CNTNAP2: variants seen among roughly 807,000 people sequenced by gnomAD.
CNTNAP2 encodes the protein contactin associated protein 2.
In CNTNAP2, 98 loss-of-function variants were observed where a neutral mutation model predicts 155.2. That is an observed-to-expected ratio of 0.63 (90% confidence interval 0.54 to 0.75). The LOEUF is 0.75. Ranked by LOEUF, CNTNAP2 falls within the 30% of genes least tolerant of loss-of-function variation. CNTNAP2 has a pLI of 0.00. For missense variants in CNTNAP2, 1,727 were observed against 1,688.1 expected, an observed-to-expected ratio of 1.02 and a Z score of -0.40; for synonymous variants, 651 against 631.2, an observed-to-expected ratio of 1.03 and a Z score of -0.47.
intron 13 of CNTNAP2, among the ~76,000 whole-genome samples, chr7:147,641,927 A>G (rs1397883927): frequency 6.6e-6 from 1 of 152,072 alleles, no homozygotes; most frequent in Non-Finnish European, 1.5e-5. Flanking sequence ...AGTGATGCTG[A>G]TATTCCTGCT....
intron 3 of CNTNAP2, among the ~76,000 whole-genome samples, chr7:147,029,499 A>C (rs1798986364): frequency 6.6e-6 from 1 of 152,114 alleles, no homozygotes; most frequent in Non-Finnish European, 1.5e-5. Flanking sequence ...TTGCAGTGAA[A>C]GGGAATAGAA....
At chr7:146,355,942 T>G (rs1452133881) in intron 1 of CNTNAP2, among the ~76,000 whole-genome samples, 1 of 152,062 alleles carries the variant, frequency 6.6e-6, no homozygotes, top group Admixed American at 6.6e-5. Context: ...ATGCATATTC[T>G]TACACATACA....
At position 147,603,890 on chromosome 7, in the gene CNTNAP2, C is replaced by G. The variant is rs961127621; in HGVS notation, c.1898-35216C>G. ...AAAACAGAGATATAGATCAATGGAA[C>G]AGAACAGAGCCCTCAGAAATAACGC... On this transcript the variant is annotated intron_variant, in intron 12 of 23. Transcript: ENST00000361727. Among the ~76,000 whole-genome samples the G allele has an allele frequency of 1.4e-4, 22 of 152,084 alleles. No individual in the cohort carries two copies. In the East Asian group the frequency reaches 2.7e-3, roughly 19 times the overall value.
intron 4 of CNTNAP2, among the ~76,000 whole-genome samples, chr7:147,091,870 T>C (rs1419396468): frequency 6.6e-6 from 1 of 152,142 alleles, no homozygotes; most frequent in African/African-American, 2.4e-5. Flanking sequence ...CCTCCCAAAG[T>C]GCTGGGATTA....
intron 1 of CNTNAP2, among the ~76,000 whole-genome samples, chr7:146,396,191 T>C (rs1795624717): frequency 6.6e-6 from 1 of 152,144 alleles, no homozygotes; most frequent in Admixed American, 6.6e-5. Flanking sequence ...AATTTCTAGG[T>C]TTTGTTAAGA....
rs750643318 is a variant in CNTNAP2, at chr7:147,044,008, A to G, written c.504A>G (p.Gly168=). ...GCATAGTGCCTCTGGATTGGAATGG[A>G]GAAGGTCGCATTGGACTCAGAATTG... ...YVRIVPLDWN[G]EGRIGLRIEV... Residue 168 remains glycine (G), a synonymous_variant, in exon 4 of 24, where the codon GGA becomes GGG. Coordinates refer to ENST00000361727, the MANE Select transcript of CNTNAP2 (RefSeq NM_014141.6). 1 of 1,614,172 alleles carries G rather than the reference A, an allele frequency of 6.2e-7. No homozygotes were observed. Among genetic ancestry groups the G allele is most frequent in the Non-Finnish European group, 8.5e-7 (1 of 1,180,016 alleles).
chr7:146,810,222 T>C (rs1001023796), intron 2 of CNTNAP2, among the ~76,000 whole-genome samples: 8 of 152,110 alleles, frequency 5.3e-5, no homozygotes, highest in African/African-American at 1.9e-4. Context: ...GTCTATTCTA[T>C]GCCAGTACCA....
At chr7:147,128,068 A>T (rs889410107) in intron 6 of CNTNAP2, among the ~76,000 whole-genome samples, 5 of 152,004 alleles carry the variant, frequency 3.3e-5, no homozygotes, top group Admixed American at 1.3e-4. Context: ...CTTAAGATTT[A>T]AAAGACCTAT....
intron 17 of CNTNAP2, among the ~76,000 whole-genome samples, chr7:148,167,931 T>C (rs1252834266): frequency 6.6e-6 from 1 of 152,198 alleles, no homozygotes; most frequent in Admixed American, 6.5e-5. Context: ...AATAATTAAG[T>C]ATCCATGAAT....
At chr7:146,474,684 A>G (rs546138047) in intron 1 of CNTNAP2, among the ~76,000 whole-genome samples, 81 of 152,354 alleles carry the variant, frequency 5.3e-4, no homozygotes, top group African/African-American at 1.9e-3. Context: ...ATCTTTAAAA[A>G]AAACTAAGAT....
At chr7:147,803,768 T>G (rs1282316711) in intron 13 of CNTNAP2, among the ~76,000 whole-genome samples, 1 of 152,156 alleles carries the variant, frequency 6.6e-6, no homozygotes, top group Non-Finnish European at 1.5e-5. Context: ...TGCTTTAATG[T>G]GAATACTTGT....
At chr7:147,577,690 G>A (rs1251497406) in intron 12 of CNTNAP2, among the ~76,000 whole-genome samples, 2 of 151,294 alleles carry the variant, frequency 1.3e-5, no homozygotes, top group Non-Finnish European at 3.0e-5. Flanking sequence ...TTTCTCAATA[G>A]CTACCCCATT....
At chr7:147,823,758 C>G (rs748004610) in intron 13 of CNTNAP2, among the ~76,000 whole-genome samples, 1 of 151,810 alleles carries the variant, frequency 6.6e-6, no homozygotes, top group African/African-American at 2.4e-5. Flanking sequence ...AGAATATGCC[C>G]ATAGGTGAAT....
At chr7:147,003,844 T>C (rs777451775) in intron 3 of CNTNAP2, among the ~76,000 whole-genome samples, 2 of 151,884 alleles carry the variant, frequency 1.3e-5, no homozygotes, top group Non-Finnish European at 2.9e-5. Context: ...TCTGGACTAA[T>C]ATAGTGAGCC....
chr7:147,300,950 A>T (rs931830806), intron 9 of CNTNAP2, among the ~76,000 whole-genome samples: 1 of 152,162 alleles, frequency 6.6e-6, no homozygotes, highest in Non-Finnish European at 1.5e-5. Context: ...TAAGTCAGGA[A>T]GTTCTCCAGA....
intron 15 of CNTNAP2, among the ~76,000 whole-genome samples, chr7:148,043,113 A>C (rs1802708585): frequency 6.6e-6 from 1 of 152,198 alleles, no homozygotes; most frequent in African/African-American, 2.4e-5. Flanking sequence ...GACGTGATAC[A>C]TATTCCATCA....
At chr7:146,203,001 T>A (rs1272064010) in intron 1 of CNTNAP2, among the ~76,000 whole-genome samples, 1 of 144,412 alleles carries the variant, frequency 6.9e-6, no homozygotes, top group African/African-American at 2.6e-5. Context: ...AGCCTTTGGT[T>A]AGTTTCTGCA....
chr7:146,953,634 A>T (rs1797368232), intron 3 of CNTNAP2, among the ~76,000 whole-genome samples: 2 of 151,986 alleles, frequency 1.3e-5, no homozygotes, highest in Admixed American at 1.3e-4. Flanking sequence ...TTGAACAAAA[A>T]TCTTTGTTTA....
At chr7:146,255,115 C>T (rs1328768293) in intron 1 of CNTNAP2, among the ~76,000 whole-genome samples, 1 of 152,064 alleles carries the variant, frequency 6.6e-6, no homozygotes, top group Admixed American at 6.6e-5. Context: ...GTTGAATAAT[C>T]ATGTGAATAC....
Sources: allele counts gnomAD v4.1 joint callset (sites outside exome capture counted in the v4.1 genomes callset), GRCh38; gene constraint gnomAD v4.1.1; transcripts MANE v1.5; gene names NCBI Gene and HGNC (gene_info 2026-07-23, HGNC 2026-07-21).